PRKN: variants seen among roughly 807,000 people sequenced by gnomAD.
PRKN encodes parkin RBR E3 ubiquitin protein ligase.
In PRKN, 56 loss-of-function variants were observed where a neutral mutation model predicts 59.5. That is an observed-to-expected ratio of 0.94 (90% CI 0.76 to 1.18). PRKN has a LOEUF of 1.18. PRKN is among the 50% of genes most tolerant of loss of function. The pLI, the probability that PRKN is intolerant of heterozygous loss-of-function variation, is 0.00. For synonymous variants in PRKN, 250 were observed against 222.1 expected, an observed-to-expected ratio of 1.13 and a Z score of -1.12; for missense variants, 657 against 596.4, an observed-to-expected ratio of 1.10 and a Z score of -1.06.
chr6:161,877,580 C>G (rs1794779563), intron 6 of PRKN, among the ~76,000 whole-genome samples: 1 of 151,772 alleles, frequency 6.6e-6, no homozygotes, highest in South Asian at 2.1e-4. Context: ...CTGCCTCGGC[C>G]TCTTGAGTAA....
chr6:162,697,526 C>A (rs1043605423), intron 1 of PRKN, among the ~76,000 whole-genome samples: 3 of 152,124 alleles, frequency 2.0e-5, no homozygotes, highest in Non-Finnish European at 4.4e-5. Context: ...GTGTTTATGT[C>A]AGGTTCCACC....
At chr6:162,392,966 C>T (rs945341566) in intron 2 of PRKN, among the ~76,000 whole-genome samples, 1 of 151,920 alleles carries the variant, frequency 6.6e-6, no homozygotes, top group African/African-American at 2.4e-5. Flanking sequence ...TATAAATCAA[C>T]ATCTTCAGTG....
In PRKN at chr6:162,272,819, A is replaced by G. The variant is rs534626232; in HGVS notation, c.172-10054T>C. On this transcript the variant is annotated intron_variant, in intron 2 of 11. Coordinates refer to ENST00000366898, the MANE Select transcript of PRKN (RefSeq NM_004562.3). Reference sequence around the variant, plus strand: ...TCAAGACCAGCCTGGCACACGTGGCAAAACCTGGTCTCTACTAAAAATACA... The same window carrying G: ...TCAAGACCAGCCTGGCACACGTGGCGAAACCTGGTCTCTACTAAAAATACA... Among the ~76,000 whole-genome samples the G allele has an allele frequency of 7.2e-5, 11 of 151,990 alleles. No homozygotes were observed. The South Asian group carries it at 2.3e-3, about 32-fold the overall frequency.
At chr6:162,634,383 G>GCACACC (rs1777630368) in intron 1 of PRKN, among the ~76,000 whole-genome samples, 2 of 152,050 alleles carry the variant, frequency 1.3e-5, no homozygotes, top group Admixed American at 1.3e-4. Context: ...TAATCCCAGT[G>GCACACC]CTTTCTCCAA....
At chr6:161,570,111 G>C (rs1780813981) in intron 7 of PRKN, among the ~76,000 whole-genome samples, 2 of 36,422 alleles carry the variant, frequency 5.5e-5, no homozygotes, top group Admixed American at 3.3e-4. Flanking sequence ...GTAAAACAAA[G>C]TAAGTAAATA....
At chr6:162,251,653 A>T (rs996217628) in intron 3 of PRKN, among the ~76,000 whole-genome samples, 1 of 152,234 alleles carries the variant, frequency 6.6e-6, no homozygotes, top group African/African-American at 2.4e-5. Context: ...ACTGCTATTA[A>T]ATCTTGCATC....
chr6:161,569,526 A>T lies in PRKN; in HGVS notation c.872-110T>A, dbSNP rs1041987922. On this transcript the variant is annotated intron_variant, in intron 7 of 11. Coordinates refer to ENST00000366898, the MANE Select transcript of PRKN (RefSeq NM_004562.3). ...TGCCAGTGTTGCCTTTTGGGAGGAC[A>T]CAGACGTGTACCTGAAAAACACACA... is the stretch of plus-strand genomic sequence containing the variant. 4.4e-6 allele frequency: 4 copies of T among 901,880 alleles called. No homozygotes were observed. In the Admixed American group the frequency reaches 5.7e-5, roughly 13 times the overall value. The allele number at this position is 901,880 out of a possible 1,614,324, so 55.9% of individuals were successfully genotyped here. A position where few individuals can be genotyped will look rare whatever the true frequency, so the allele number is the denominator to read the frequency against.
rs146245941 is a variant in PRKN, at chr6:162,501,178, G to A, written c.8-57705C>T. ...TCTCTAATAATAATAGTAATAAAAG[G>A]TGTTTTAATATCCCTCCTCCCCCAA... On this transcript the variant is annotated intron_variant, in intron 1 of 11. Coordinates refer to ENST00000366898, the MANE Select transcript of PRKN (RefSeq NM_004562.3). Among the ~76,000 whole-genome samples, 10 of 152,116 alleles carry A rather than the reference G, an allele frequency of 6.6e-5. No individual in the cohort carries two copies. The East Asian group carries it at 1.9e-3, about 29-fold the overall frequency.
At chr6:162,222,270 G>A (rs1777969765) in intron 3 of PRKN, among the ~76,000 whole-genome samples, 1 of 152,136 alleles carries the variant, frequency 6.6e-6, no homozygotes, top group Non-Finnish European at 1.5e-5. Flanking sequence ...GATTTTTGTA[G>A]ATGTGCAAAA....
chr6:162,215,662 T>G (rs1777614990), intron 3 of PRKN, among the ~76,000 whole-genome samples: 1 of 151,984 alleles, frequency 6.6e-6, no homozygotes, highest in Non-Finnish European at 1.5e-5. Flanking sequence ...TTAAGACTAT[T>G]GAAATTATTG....
chr6:161,389,255 A>G (rs1786402394), intron 9 of PRKN, among the ~76,000 whole-genome samples: 1 of 152,170 alleles, frequency 6.6e-6, no homozygotes, highest in South Asian at 2.1e-4. Flanking sequence ...CCTACGTCCA[A>G]TTTCTTGTTT....
At chr6:162,323,207 C>G (rs1783106516) in intron 2 of PRKN, among the ~76,000 whole-genome samples, 1 of 150,956 alleles carries the variant, frequency 6.6e-6, no homozygotes, top group Non-Finnish European at 1.5e-5. Context: ...TGCACATGTA[C>G]CCTAAAACTT....
At chr6:162,423,670 T>G (rs1376006138) in intron 2 of PRKN, among the ~76,000 whole-genome samples, 1 of 152,192 alleles carries the variant, frequency 6.6e-6, no homozygotes, top group Non-Finnish European at 1.5e-5. Context: ...GAGGTGAATT[T>G]CTAATTCTAG....
chr6:162,609,882 G>A (rs1056711379), intron 1 of PRKN, among the ~76,000 whole-genome samples: 1 of 152,134 alleles, frequency 6.6e-6, no homozygotes, highest in Non-Finnish European at 1.5e-5. Flanking sequence ...ACAACTAAGC[G>A]TTCTTAAACG....
At position 161,888,662 on chromosome 6, in the gene PRKN, A is replaced by T. The variant is rs139687983; in HGVS notation, c.734+84640T>A. ...CTGGTGTAGGCCTGTCATTATCAAT[A>T]ACTGCCCATAATCTTCATAATCCTC... On this transcript the variant is annotated intron_variant, in intron 6 of 11. Transcript: ENST00000366898. Among the ~76,000 whole-genome samples the T allele has an allele frequency of 9.1e-4, 138 of 152,280 alleles. 1 individual carries two copies. The highest frequency in any genetic ancestry group is 3.4e-3 in the Middle Eastern group (1 of 294).
intron 2 of PRKN, among the ~76,000 whole-genome samples, chr6:162,354,244 T>C (rs1002580124): frequency 6.6e-6 from 1 of 152,146 alleles, no homozygotes; most frequent in Non-Finnish European, 1.5e-5. Context: ...GTTGTTATCA[T>C]ACCTCGGTAT....
chr6:161,820,622 C>T (rs1791982756), intron 6 of PRKN, among the ~76,000 whole-genome samples: 1 of 146,146 alleles, frequency 6.8e-6, no homozygotes, highest in East Asian at 2.0e-4. Flanking sequence ...ATACAGTATA[C>T]AATATGCAAA....
chr6:162,271,109 T>C (rs1045669805), intron 2 of PRKN, among the ~76,000 whole-genome samples: 2 of 150,660 alleles, frequency 1.3e-5, no homozygotes, highest in Non-Finnish European at 3.0e-5. Flanking sequence ...TAAATGATTC[T>C]CCTGCCTTGG....
chr6:162,674,581 C>A (rs1016822323), intron 1 of PRKN, among the ~76,000 whole-genome samples: 1 of 152,124 alleles, frequency 6.6e-6, no homozygotes, highest in Admixed American at 6.5e-5. Flanking sequence ...GCTCGTGGAA[C>A]TGTGACAGAA....
Sources: allele counts gnomAD v4.1 joint callset (sites outside exome capture counted in the v4.1 genomes callset), GRCh38; gene constraint gnomAD v4.1.1; transcripts MANE v1.5; gene names NCBI Gene and HGNC (gene_info 2026-07-23, HGNC 2026-07-21).